Variants in DRC8 observed in about 807,000 individuals in gnomAD.
DRC8 encodes the protein dynein regulatory complex protein 8.
chr1:245,067,323 A>T, the DRC8 span, among the ~76,000 whole-genome samples: 1 of 152,086 alleles, frequency 6.6e-6, no homozygotes, highest in African/African-American at 2.4e-5. Flanking sequence ...TAAATATTTG[A>T]GATGGTATTC....
At chr1:244,970,245 A>G in the DRC8 span, 7 of 699,660 alleles carry the variant, frequency 1.0e-5, no homozygotes, top group African/African-American at 1.3e-4. Flanking sequence ...AAACGGGGAC[A>G]GGGCGCGCGC....
chr1:245,015,764 CA>C, the DRC8 span: 1 of 270,908 alleles, frequency 3.7e-6, no homozygotes, highest in African/African-American at 2.3e-5. Context: ...CATTTCTCAC[CA>C]CCTTCACTGC....
chr1:245,084,106 C>T, the DRC8 span, among the ~76,000 whole-genome samples: 6 of 119,408 alleles, frequency 5.0e-5, no homozygotes, highest in South Asian at 1.2e-3. Flanking sequence ...GAGACGGATC[C>T]GGTCTTGCTC....
the DRC8 span, among the ~76,000 whole-genome samples, chr1:245,056,449 C>A: frequency 3.3e-5 from 5 of 152,284 alleles, no homozygotes; most frequent in East Asian, 9.7e-4. Context: ...CAGAGAGGAA[C>A]ATGGAGGCTT....
the DRC8 span, among the ~76,000 whole-genome samples, chr1:245,105,622 C>CAAAAAAAAAAAAA: frequency 1.2e-4 from 14 of 114,318 alleles, no homozygotes; most frequent in Admixed American, 3.9e-4. Flanking sequence ...GACCCCATCT[C>CAAAAAAAAAAAAA]AAAAAAAAAA....
At chr1:245,047,101 A>C in the DRC8 span, among the ~76,000 whole-genome samples, 1 of 152,220 alleles carries the variant, frequency 6.6e-6, no homozygotes, top group African/African-American at 2.4e-5. Flanking sequence ...GTGAAGGATG[A>C]AAAGGGCTTC....
chr1:245,124,184 AGTT>A, the DRC8 span: 89 of 179,214 alleles, frequency 5.0e-4, 1 homozygote, highest in African/African-American at 2.0e-3. Context: ...TGTGACATGA[AGTT>A]GGTGTCACTA....
At chr1:245,116,357 C>A in the DRC8 span, among the ~76,000 whole-genome samples, 1 of 152,142 alleles carries the variant, frequency 6.6e-6, no homozygotes, top group African/African-American at 2.4e-5. Flanking sequence ...CACTGCACTC[C>A]AGCCTGGGCA....
chr1:245,048,237 C>T, the DRC8 span, among the ~76,000 whole-genome samples: 3 of 152,104 alleles, frequency 2.0e-5, no homozygotes, highest in East Asian at 1.9e-4. Context: ...GATACACAGC[C>T]TCATCTCAAC....
chr1:245,092,046 G>A, the DRC8 span, among the ~76,000 whole-genome samples: 1 of 152,152 alleles, frequency 6.6e-6, no homozygotes, highest in Non-Finnish European at 1.5e-5. Flanking sequence ...CATGACTCAG[G>A]ACCCGACACA....
the DRC8 span, among the ~76,000 whole-genome samples, chr1:245,106,099 AGT>A: frequency 6.6e-6 from 1 of 152,142 alleles, no homozygotes; most frequent in African/African-American, 2.4e-5. Context: ...TACTTTCGTA[AGT>A]GTGTGTGTGT....
the DRC8 span, among the ~76,000 whole-genome samples, chr1:244,990,741 T>G: frequency 6.6e-6 from 1 of 152,018 alleles, no homozygotes; most frequent in African/African-American, 2.4e-5. Context: ...GCTCAAGCAG[T>G]CTTCCCACCT....
the DRC8 span, chr1:245,002,147 A>G: frequency 6.2e-7 from 1 of 1,608,008 alleles, no homozygotes; most frequent in East Asian, 2.2e-5. Flanking sequence ...GTGATGAGAT[A>G]AGGCCTCGGA....
the DRC8 span, among the ~76,000 whole-genome samples, chr1:245,092,733 T>C: frequency 2.0e-5 from 3 of 152,152 alleles, no homozygotes; most frequent in Non-Finnish European, 4.4e-5. Context: ...TGATATTGAA[T>C]GAAAGTGTGG....
At chr1:245,026,052 C>T in the DRC8 span, among the ~76,000 whole-genome samples, 1 of 152,164 alleles carries the variant, frequency 6.6e-6, no homozygotes, top group Non-Finnish European at 1.5e-5. Context: ...TTACTTTATA[C>T]CTGCCCTATC....
At chr1:245,064,274 C>G in the DRC8 span, among the ~76,000 whole-genome samples, 1 of 152,082 alleles carries the variant, frequency 6.6e-6, no homozygotes, top group African/African-American at 2.4e-5. Flanking sequence ...AGGAGTGGGG[C>G]AAGAGTGAGC....
chr1:244,975,429 C>T, the DRC8 span, among the ~76,000 whole-genome samples: 6 of 152,240 alleles, frequency 3.9e-5, no homozygotes, highest in South Asian at 2.1e-4. Flanking sequence ...TGATCTTAGC[C>T]GAGATGCTAA....
the DRC8 span, among the ~76,000 whole-genome samples, chr1:245,117,799 T>C: frequency 6.6e-6 from 1 of 152,038 alleles, no homozygotes; most frequent in Non-Finnish European, 1.5e-5. Context: ...CAAAACCTCA[T>C]CTCTACTAAA....
chr1:245,084,456 T>C, the DRC8 span, among the ~76,000 whole-genome samples: 1 of 152,314 alleles, frequency 6.6e-6, no homozygotes, highest in Non-Finnish European at 1.5e-5. Flanking sequence ...CCTTTTTTAA[T>C]GTTAATTGAA....
Sources: gnomAD v4.1 joint callset for allele counts (sites outside exome capture counted in the v4.1 genomes callset) on GRCh38, gnomAD v4.1.1 for gene constraint, MANE v1.5 for transcripts, NCBI Gene and HGNC (gene_info 2026-07-23, HGNC 2026-07-21) for gene names.